Variants in RECQL5 observed in about 807,000 individuals in gnomAD.
RECQL5 encodes the protein RecQ like helicase 5.
RECQL5 carries 88 observed loss-of-function variants against 103.4 expected under a neutral mutation model. The observed-to-expected ratio is 0.85, with a 90% CI of 0.72 to 1.02. The LOEUF (loss-of-function observed/expected upper bound fraction) is 1.02. Ranked by LOEUF, RECQL5 falls within the 50% of genes least tolerant of loss-of-function variation. RECQL5 has a pLI of 0.00. For missense variants in RECQL5, 1,232 were observed against 1,284.3 expected (o/e 0.96, Z 0.62); for synonymous variants, 552 against 507.9 (o/e 1.09, Z -1.17).
At chr17:75,666,030 G>C (rs2059773554) in intron 2 of RECQL5, among the ~76,000 whole-genome samples, 1 of 152,218 alleles carries the variant, frequency 6.6e-6, no homozygotes, top group Non-Finnish European at 1.5e-5. Context: ...CTGTTCGTTT[G>C]TGTGTACAAA....
At position 75,662,476 on chromosome 17, in the gene RECQL5, C is replaced by G; in HGVS notation, c.771+3G>C. 1 of 1,611,800 alleles carries G rather than the reference C, an allele frequency of 6.2e-7. No homozygotes were observed. Among genetic ancestry groups the G allele is most frequent in the Non-Finnish European group, 8.5e-7 (1 of 1,178,422 alleles). ...CTGCTTGGCCTCCACCTCAATGCCTCACCCCTTTATCAGCCTCCTGTCCAA... is the reference window on the plus strand; with the variant it reads ...CTGCTTGGCCTCCACCTCAATGCCTGACCCCTTTATCAGCCTCCTGTCCAA... On this transcript the variant is annotated splice_donor_region_variant and intron_variant, in intron 4 of 19. Coordinates refer to ENST00000317905, the MANE Select transcript of RECQL5 (RefSeq NM_004259.7).
In RECQL5 at chr17:75,629,088, C is replaced by CCT. The variant is rs780004594; in HGVS notation, c.2334_2335insAG (p.Ala779ArgfsTer103). On this transcript the variant is annotated frameshift_variant, in exon 16 of 20. Transcript: ENST00000317905. LOFTEE classifies it high-confidence loss of function. ...GCACCTTCTGCCTCTGGGGCTGATG[C>CCT]CAGCAGAGCTGGGCTTTCCACCCTT... The CCT allele has an allele frequency of 5.7e-5, 92 of 1,613,312 alleles. No individual in the cohort carries two copies. The African/African-American group carries it at 1.1e-3, about 19-fold the overall frequency.
chr17:75,659,504 A>G (rs529212919), intron 6 of RECQL5, among the ~76,000 whole-genome samples: 4 of 152,130 alleles, frequency 2.6e-5, no homozygotes, highest in Non-Finnish European at 5.9e-5. Context: ...CTACAGGCAC[A>G]TGCCACTATA....
At chr17:75,660,516 T>C (rs2059685348) in intron 6 of RECQL5, among the ~76,000 whole-genome samples, 1 of 152,256 alleles carries the variant, frequency 6.6e-6, no homozygotes, top group Non-Finnish European at 1.5e-5. Flanking sequence ...CACTGAATAT[T>C]GTAGGCAACT....
At chr17:75,664,526 A>T (rs2059741400) in intron 3 of RECQL5, among the ~76,000 whole-genome samples, 1 of 152,250 alleles carries the variant, frequency 6.6e-6, no homozygotes, top group African/African-American at 2.4e-5. Context: ...GGAGTCATTC[A>T]TAACCTCCCA....
At chr17:75,652,950 T>C (rs1283086836) in intron 7 of RECQL5, among the ~76,000 whole-genome samples, 3 of 152,178 alleles carry the variant, frequency 2.0e-5, no homozygotes, top group Non-Finnish European at 2.9e-5. Context: ...CACAATATAG[T>C]TTCCTGTTTT....
At position 75,632,546 on chromosome 17, in the gene RECQL5, G is replaced by A. The variant is rs554338729; in HGVS notation, c.1230-878C>T. Among the ~76,000 whole-genome samples, 4 of 152,350 alleles carry A rather than the reference G, an allele frequency of 2.6e-5. No homozygotes were observed. In the South Asian group the frequency reaches 8.3e-4, roughly 32 times the overall value. ...AGGTGGGGCCTTTAGCCAGGGAGAC[G>A]CAGCCTCGCCTGGAGTCCTCCTCTC... On this transcript the variant is annotated intron_variant, in intron 8 of 19. Transcript: ENST00000317905.
intron 2 of RECQL5, among the ~76,000 whole-genome samples, chr17:75,666,041 C>T (rs1253167486): frequency 2.0e-5 from 3 of 152,130 alleles, no homozygotes; most frequent in Admixed American, 6.5e-5. Context: ...TGTGTACAAA[C>T]GAACAATAAT....
intron 7 of RECQL5, among the ~76,000 whole-genome samples, chr17:75,656,873 T>C (rs561401124): frequency 3.2e-4 from 48 of 151,876 alleles, no homozygotes; most frequent in Non-Finnish European, 6.0e-4. Flanking sequence ...ACCTCCCAAG[T>C]AGCTGGGACT....
chr17:75,640,666 A>C lies in RECQL5; in HGVS notation c.1230-8998T>G, dbSNP rs2059419872. On this transcript the variant is annotated intron_variant, in intron 8 of 19. Transcript: ENST00000317905. This position sits in a 1 kb window ranked among gnomAD's most constrained non-coding sequence, Gnocchi z 4.6. ...TCCGCACCTCTCACCAGCCTCTCGG[A>C]TCTTTCTGACCTCCACCAAACCTGT... 1 of 1,468,384 alleles carries C rather than the reference A, an allele frequency of 6.8e-7. No homozygotes were observed. Among genetic ancestry groups the C allele is most frequent in the Non-Finnish European group, 9.0e-7 (1 of 1,106,466 alleles). 91.0% of individuals were successfully genotyped at this position (1,468,384 alleles called of 1,614,324 possible). A position where few individuals can be genotyped will look rare whatever the true frequency, so the allele number is the denominator to read the frequency against.
intron 7 of RECQL5, among the ~76,000 whole-genome samples, chr17:75,656,155 A>C (rs1413163663): frequency 6.6e-6 from 1 of 151,650 alleles, no homozygotes; most frequent in African/African-American, 2.4e-5. Flanking sequence ...GCTCACCACA[A>C]CCTCCACCTC....
chr17:75,665,675 G>A (rs1221016300), intron 2 of RECQL5, among the ~76,000 whole-genome samples: 1 of 139,528 alleles, frequency 7.2e-6, no homozygotes, highest in Non-Finnish European at 1.5e-5. Context: ...GGGCGACAGA[G>A]CAAGACTCTG....
intron 3 of RECQL5, among the ~76,000 whole-genome samples, chr17:75,663,519 A>G (rs2059726576): frequency 6.6e-6 from 1 of 152,114 alleles, no homozygotes; most frequent in Admixed American, 6.5e-5. Flanking sequence ...CAGCACTAAA[A>G]TTTTTTGGAT....
intron 8 of RECQL5, among the ~76,000 whole-genome samples, chr17:75,648,378 G>T (rs2059513544): frequency 6.6e-6 from 1 of 151,938 alleles, no homozygotes; most frequent in South Asian, 2.1e-4. Context: ...TGTTGTTGTT[G>T]TTTCTTTGTT....
chr17:75,650,641 C>T (rs768865733), intron 8 of RECQL5: 1 of 1,613,668 alleles, frequency 6.2e-7, no homozygotes, highest in Non-Finnish European at 8.5e-7. Flanking sequence ...TGCAGGCACT[C>T]ACAGCTCCGC....
Position 75,630,208 on chromosome 17 carries a change from G to A in RECQL5, c.1788C>T (p.Leu596=), listed in dbSNP as rs370197185. 200 of 1,556,636 alleles carry A rather than the reference G, an allele frequency of 1.3e-4. 2 individuals are homozygous for A. The South Asian group carries it at 1.7e-3, about 13-fold the overall frequency. The change falls in exon 14 of 20, where the codon CTC becomes CTT. Residue 596 remains leucine (L), a synonymous_variant. Transcript: ENST00000317905. ...CCTTCTTCAGCACGCTGGCCTTGTA[G>A]AGGTTGGCCACCTTGGCGTTCCGGA... ...ETFRNAKVAN[L]YKASVLKKVA... is the part of the protein sequence containing the mutation.
rs763610702 is a variant in RECQL5 at position 75,627,538 on chromosome 17, G to A, written c.2876-16C>T. Reference sequence around the variant, plus strand: ...TCTTCTTTCACTACAGATTCAGGGTGGGGGCATGAGGAGGTGAGCGTTAGC... The same window carrying A: ...TCTTCTTTCACTACAGATTCAGGGTAGGGGCATGAGGAGGTGAGCGTTAGC... On this transcript the variant is annotated splice_polypyrimidine_tract_variant and intron_variant, in intron 19 of 19. Coordinates refer to ENST00000317905, the MANE Select transcript of RECQL5 (RefSeq NM_004259.7). 5.0e-6 allele frequency: 8 copies of A among 1,613,052 alleles called. No individual in the cohort carries two copies. The highest frequency in any genetic ancestry group is 6.8e-6 in the Non-Finnish European group (8 of 1,179,244).
chr17:75,647,434 T>A, intron 8 of RECQL5: 2 of 1,550,146 alleles, frequency 1.3e-6, no homozygotes, highest in Middle Eastern at 2.2e-4. Context: ...GCAGAACCCC[T>A]GGGACCAGGG....
chr17:75,632,311 C>G (rs899801004), intron 8 of RECQL5, among the ~76,000 whole-genome samples: 1 of 152,230 alleles, frequency 6.6e-6, no homozygotes, highest in African/African-American at 2.4e-5. Flanking sequence ...GGTCTAGGAG[C>G]AACAAGCTGT....
Sources: allele counts gnomAD v4.1 joint callset (sites outside exome capture counted in the v4.1 genomes callset), GRCh38; gene constraint gnomAD v4.1.1; non-coding constraint Gnocchi (gnomAD v3.1); transcripts MANE v1.5; gene names NCBI Gene and HGNC (gene_info 2026-07-23, HGNC 2026-07-21).